Variants in RSF1 observed in about 807,000 individuals in gnomAD.
The protein encoded by RSF1 is HBV pX-associated protein 8.
A neutral mutation model predicts 145.2 loss-of-function variants in RSF1; 13 were observed. The observed-to-expected ratio is 0.09, with a 90% CI of 0.06 to 0.14. RSF1 has a LOEUF of 0.14. RSF1 is among the 10% of genes least tolerant of loss of function. RSF1 has a pLI of 1.00. For synonymous variants in RSF1, 577 were observed against 592.6 expected (o/e 0.97, Z 0.38); for missense variants, 1,517 against 1,718.2 (o/e 0.88, Z 2.07).
At chr11:77,755,769 G>T (rs1018999163) in intron 2 of RSF1, among the ~76,000 whole-genome samples, 4 of 151,928 alleles carry the variant, frequency 2.6e-5, no homozygotes, top group Admixed American at 2.6e-4. Flanking sequence ...TAGTAGAGAT[G>T]GGGTTTCACC....
intron 1 of RSF1, among the ~76,000 whole-genome samples, chr11:77,792,909 G>C (rs1221308254): frequency 6.6e-6 from 1 of 152,094 alleles, no homozygotes; most frequent in Non-Finnish European, 1.5e-5. Flanking sequence ...ACTAAACCTG[G>C]AAGTCAAAGG....
the RSF1 span, among the ~76,000 whole-genome samples, chr11:77,849,667 C>A: frequency 1.3e-5 from 2 of 152,130 alleles, no homozygotes; most frequent in Admixed American, 6.5e-5. Flanking sequence ...TTATGCAGTT[C>A]CAAGTTATCC....
At chr11:77,744,160 T>C (rs1947972352) in intron 3 of RSF1, among the ~76,000 whole-genome samples, 1 of 151,642 alleles carries the variant, frequency 6.6e-6, no homozygotes, top group Non-Finnish European at 1.5e-5. Flanking sequence ...TCCCTAGTAG[T>C]TGGAATTACA....
chr11:77,747,625 CT>C (rs1477370393), intron 2 of RSF1, among the ~76,000 whole-genome samples: 1 of 152,204 alleles, frequency 6.6e-6, no homozygotes, highest in Non-Finnish European at 1.5e-5. Context: ...TGTAACTTGG[CT>C]TTAAGATAAA....
the RSF1 span, chr11:77,830,063 T>G: frequency 6.6e-6 from 1 of 152,202 alleles, no homozygotes; most frequent in Admixed American, 6.5e-5. Flanking sequence ...CCCAGGATTT[T>G]GAGGCTGTGG....
At chr11:77,767,345 A>C (rs1008222617) in intron 1 of RSF1, among the ~76,000 whole-genome samples, 1 of 152,118 alleles carries the variant, frequency 6.6e-6, no homozygotes, top group South Asian at 2.1e-4. Context: ...AAAAACAGCT[A>C]TGGATAGTCT....
intron 1 of RSF1, among the ~76,000 whole-genome samples, chr11:77,764,894 AGAAT>A (rs1276299523): frequency 6.6e-6 from 1 of 152,220 alleles, no homozygotes; most frequent in Non-Finnish European, 1.5e-5. Context: ...AAGACAAGCA[AGAAT>A]ATTCACATTT....
intron 1 of RSF1, among the ~76,000 whole-genome samples, chr11:77,793,046 A>G (rs1374778933): frequency 6.6e-6 from 1 of 152,230 alleles, no homozygotes; most frequent in Non-Finnish European, 1.5e-5. Context: ...ATAAACAAGA[A>G]AAAGAAAAGA....
chr11:77,763,873 A>G (rs984881149), intron 2 of RSF1: 1 of 144,450 alleles, frequency 6.9e-6, no homozygotes, highest in African/African-American at 2.5e-5. Context: ...TTCTGGCATC[A>G]GGGACCAGTT....
the RSF1 span, among the ~76,000 whole-genome samples, chr11:77,868,052 C>G: frequency 6.9e-6 from 1 of 144,250 alleles, no homozygotes; most frequent in African/African-American, 2.6e-5. Flanking sequence ...TTTCTTTCCT[C>G]TGAGCCTTTT....
chr11:77,737,619 GGGGTGTGT>G lies in RSF1; in HGVS notation c.578+3104_578+3111del, dbSNP rs1288717649. Among the ~76,000 whole-genome samples, 859 of 102,366 alleles carry G rather than the reference GGGGTGTGT, an allele frequency of 8.4e-3. 3 individuals are homozygous for G. Among genetic ancestry groups the G allele is most frequent in the South Asian group, 0.019 (53 of 2,720 alleles). 67.2% of individuals were successfully genotyped at this position (102,366 alleles called of 152,430 possible). On this transcript the variant is annotated intron_variant, in intron 4 of 15. Transcript: ENST00000308488. Reference sequence around the variant, plus strand: ...TGGAAAGAAGTTTTATGTGTTTTGGGGGGTGTGTGTGTGTGTGTGTGTGTGTGTGTGTG... The same window carrying G: ...TGGAAAGAAGTTTTATGTGTTTTGGGGTGTGTGTGTGTGTGTGTGTGTGTG...
the RSF1 span, among the ~76,000 whole-genome samples, chr11:77,831,729 T>C: frequency 6.7e-6 from 1 of 148,506 alleles, no homozygotes; most frequent in Non-Finnish European, 1.5e-5. Context: ...AGGGTCTCAC[T>C]CTGTCACCCA....
At chr11:77,696,801 G>A (rs1269085344) in intron 7 of RSF1, among the ~76,000 whole-genome samples, 4 of 152,120 alleles carry the variant, frequency 2.6e-5, no homozygotes, top group Admixed American at 6.5e-5. Context: ...AAAATACTTA[G>A]AGGGATCTTC....
chr11:77,680,458 A>G (rs1959827893), intron 11 of RSF1, among the ~76,000 whole-genome samples: 1 of 152,034 alleles, frequency 6.6e-6, no homozygotes, highest in African/African-American at 2.4e-5. Context: ...AAAAAAGACT[A>G]AAAGCTGGAG....
At chr11:77,675,377 G>C in intron 13 of RSF1, 121 bp from the exon 14 acceptor site, 3 of 695,274 alleles carry the variant, frequency 4.3e-6, no homozygotes, top group Non-Finnish European at 7.0e-6. Context: ...AACATATCTG[G>C]ATAATTGTAT....
intron 11 of RSF1, among the ~76,000 whole-genome samples, chr11:77,682,416 A>G (rs1352765069): frequency 6.6e-6 from 1 of 152,226 alleles, no homozygotes; most frequent in African/African-American, 2.4e-5. Flanking sequence ...AAAATGATCT[A>G]AAATAACTAA....
the RSF1 span, among the ~76,000 whole-genome samples, chr11:77,859,731 C>T: frequency 6.6e-6 from 1 of 152,212 alleles, no homozygotes; most frequent in Non-Finnish European, 1.5e-5. Flanking sequence ...AAAAGGTCCC[C>T]TCAAGTGGCA....
chr11:77,672,307 A>G lies in RSF1; in HGVS notation c.3563-77T>C, dbSNP rs541818154. ...TGTAGCTTAGGTTATAAAAATGAAA[A>G]GCTACCAAGCAGAGTTCAGTCATAA... On this transcript the variant is annotated intron_variant, in intron 14 of 15. Transcript: ENST00000308488. 5.0e-5 allele frequency: 59 copies of G among 1,170,242 alleles called. 1 individual carries two copies. The South Asian group carries it at 9.2e-4, about 18-fold the overall frequency. The allele number at this position is 1,170,242 out of a possible 1,614,324, so 72.5% of individuals were successfully genotyped here.
At chr11:77,671,479 T>C (rs926150132) in intron 15 of RSF1, among the ~76,000 whole-genome samples, 1 of 151,950 alleles carries the variant, frequency 6.6e-6, no homozygotes, top group African/African-American at 2.4e-5. Flanking sequence ...ATAATCTTGA[T>C]CAGATCACAA....
Sources: gnomAD v4.1 joint callset for allele counts (sites outside exome capture counted in the v4.1 genomes callset) on GRCh38, gnomAD v4.1.1 for gene constraint, MANE v1.5 for transcripts, NCBI Gene and HGNC (gene_info 2026-07-23, HGNC 2026-07-21) for gene names.